Variants in GRXCR1 observed in about 807,000 individuals in gnomAD.
GRXCR1 encodes the protein glutaredoxin and cysteine rich domain containing 1, also known as glutaredoxin domain-containing cysteine-rich protein 1.
Under a neutral mutation model 27.3 loss-of-function variants are expected in GRXCR1, and 27 were observed. The observed-to-expected ratio is 0.99, with a 90% CI of 0.73 to 1.37. The LOEUF is 1.37. Ranked by LOEUF, GRXCR1 falls within the 40% of genes most tolerant of loss-of-function variation. The probability of loss-of-function intolerance (pLI) is 0.00; values close to 1 mark genes in which losing one functional copy is unlikely to be tolerated. For synonymous variants in GRXCR1, 122 were observed against 131.1 expected, an observed-to-expected ratio of 0.93 and a Z score of 0.47; for missense variants, 379 against 354.4, an observed-to-expected ratio of 1.07 and a Z score of -0.56.
At chr4:43,010,247 CA>C (rs1712703440) in intron 2 of GRXCR1, among the ~76,000 whole-genome samples, 1 of 151,914 alleles carries the variant, frequency 6.6e-6, no homozygotes, top group Non-Finnish European at 1.5e-5. Flanking sequence ...ACTAAAAATA[CA>C]AAAACTTAGC....
intron 2 of GRXCR1, among the ~76,000 whole-genome samples, chr4:42,975,299 C>G (rs766722748): frequency 1.4e-4 from 22 of 152,070 alleles, no homozygotes; most frequent in Admixed American, 5.9e-4. Flanking sequence ...CTCATGAAAG[C>G]AATTTATTGT....
Position 42,997,804 on chromosome 4 carries a change from C to T in GRXCR1, c.628-22550C>T, listed in dbSNP as rs868084434. ...TGGAAACCACAATAAAGGCCCCTGC[C>T]CTCATTTCTGCCTCTCTCCCTCTGC... On this transcript the variant is annotated intron_variant, in intron 2 of 3. Transcript: ENST00000399770. 3.9e-5 allele frequency among the ~76,000 whole-genome samples: 6 copies of T among 152,262 alleles called. No homozygotes were observed. The South Asian group carries it at 1.2e-3, about 32-fold the overall frequency.
chr4:42,990,332 C>G (rs1480662478), intron 2 of GRXCR1, among the ~76,000 whole-genome samples: 2 of 149,478 alleles, frequency 1.3e-5, no homozygotes, highest in Non-Finnish European at 3.0e-5. Context: ...GCTGGGACTA[C>G]AGGCGCCCGC....
Position 43,018,133 on chromosome 4 carries a change from G to T in GRXCR1, c.628-2221G>T, listed in dbSNP as rs116719695. On this transcript the variant is annotated intron_variant, in intron 2 of 3. Coordinates refer to ENST00000399770, the MANE Select transcript of GRXCR1 (RefSeq NM_001080476.3). ...TTAGGCTTGGTAATGACAGGGTCAA[G>T]TGGAGGGCAGAGACATGGGACCCAG... 5.1e-3 allele frequency among the ~76,000 whole-genome samples: 776 copies of T among 152,298 alleles called. 13 individuals are homozygous for T. Among genetic ancestry groups the T allele is most frequent in the African/African-American group, 0.015 (638 of 41,566 alleles).
In GRXCR1 at chr4:42,995,573, A is replaced by G. The variant is rs117530540; in HGVS notation, c.628-24781A>G. Among the ~76,000 whole-genome samples, 90 of 152,310 alleles carry G rather than the reference A, an allele frequency of 5.9e-4. 2 individuals are homozygous for G. In the East Asian group the frequency reaches 0.014, roughly 24 times the overall value. Reference sequence around the variant, plus strand: ...ATCCTCACTGCAGGAGATTATACCTACAGTCCTATGCACAAAGCTAATTGA... The same window carrying G: ...ATCCTCACTGCAGGAGATTATACCTGCAGTCCTATGCACAAAGCTAATTGA... On this transcript the variant is annotated intron_variant, in intron 2 of 3. Coordinates refer to ENST00000399770, the MANE Select transcript of GRXCR1 (RefSeq NM_001080476.3).
At chr4:42,987,236 TATATA>T (rs1342517272) in intron 2 of GRXCR1, among the ~76,000 whole-genome samples, 2 of 70,804 alleles carry the variant, frequency 2.8e-5, no homozygotes, top group South Asian at 4.5e-4. Context: ...ATATTATATA[TATATA>T]ATATATAATA....
intron 2 of GRXCR1, among the ~76,000 whole-genome samples, chr4:42,998,040 T>C (rs748366052): frequency 6.6e-6 from 1 of 152,210 alleles, no homozygotes; most frequent in Non-Finnish European, 1.5e-5. Context: ...TTACTTTATG[T>C]CAGGCACAAT....
intron 1 of GRXCR1, among the ~76,000 whole-genome samples, chr4:42,962,022 T>C (rs1475678341): frequency 6.6e-6 from 1 of 152,012 alleles, no homozygotes; most frequent in Non-Finnish European, 1.5e-5. Context: ...AAGACTGTGA[T>C]AAGGAAGAAG....
rs542077017 is a variant in GRXCR1 at position 42,931,096 on chromosome 4, G to A, written c.385-31796G>A. Among the ~76,000 whole-genome samples the A allele has an allele frequency of 4.6e-5, 7 of 151,858 alleles. No homozygotes were observed. In the East Asian group the frequency reaches 1.2e-3, roughly 25 times the overall value. ...CCTTTTTACAAATGGCACTGGAAAA[G>A]GGTATAAATACTCCTTCTCTCTTCT... On this transcript the variant is annotated intron_variant, in intron 1 of 3. Coordinates refer to ENST00000399770, the MANE Select transcript of GRXCR1 (RefSeq NM_001080476.3).
At chr4:42,935,780 T>A (rs1197083704) in intron 1 of GRXCR1, among the ~76,000 whole-genome samples, 1 of 151,898 alleles carries the variant, frequency 6.6e-6, no homozygotes, top group Non-Finnish European at 1.5e-5. Context: ...TTTTGAATAA[T>A]CTTAATGCGT....
rs561127972 is a variant in GRXCR1, at chr4:42,984,056, G to A, written c.627+20922G>A. ...TTGCCATGTTGGCCAGGCTGGTCTCGAACTCCTGACCTCAGGTGATCCTCC... is the reference window on the plus strand; with the variant it reads ...TTGCCATGTTGGCCAGGCTGGTCTCAAACTCCTGACCTCAGGTGATCCTCC... On this transcript the variant is annotated intron_variant, in intron 2 of 3. Transcript: ENST00000399770. 1.1e-4 allele frequency among the ~76,000 whole-genome samples: 17 copies of A among 152,026 alleles called. No homozygotes were observed. In the East Asian group the frequency reaches 2.1e-3, roughly 19 times the overall value.
At position 42,976,733 on chromosome 4, in the gene GRXCR1, T is replaced by A. The variant is rs538276218; in HGVS notation, c.627+13599T>A. Among the ~76,000 whole-genome samples the A allele has an allele frequency of 1.1e-4, 17 of 152,150 alleles. No individual in the cohort carries two copies. The South Asian group carries it at 3.5e-3, about 32-fold the overall frequency. On this transcript the variant is annotated intron_variant, in intron 2 of 3. Coordinates refer to ENST00000399770, the MANE Select transcript of GRXCR1 (RefSeq NM_001080476.3). ...TATGTGTTTATCATGTACAACATGA[T>A]GTTTTGAAGTATATATACACCGTGG...
At chr4:42,922,645 T>C (rs1459480491) in intron 1 of GRXCR1, among the ~76,000 whole-genome samples, 4 of 152,098 alleles carry the variant, frequency 2.6e-5, no homozygotes, top group African/African-American at 7.2e-5. Context: ...TATTGGCCCC[T>C]GTTACCCAGT....
At position 42,986,834 on chromosome 4, in the gene GRXCR1, C is replaced by G. The variant is rs537475431; in HGVS notation, c.627+23700C>G. Among the ~76,000 whole-genome samples, 6 of 152,132 alleles carry G rather than the reference C, an allele frequency of 3.9e-5. No individual in the cohort carries two copies. In the South Asian group the frequency reaches 1.2e-3, roughly 32 times the overall value. ...TGTGGGACAAGTCTAGATATGTCTC[C>G]TTGTAGAGCCTCCAGGCTATCTTAA... On this transcript the variant is annotated intron_variant, in intron 2 of 3. Transcript: ENST00000399770.
chr4:42,894,872 T>G (rs184516367), intron 1 of GRXCR1, among the ~76,000 whole-genome samples: 2 of 152,240 alleles, frequency 1.3e-5, no homozygotes, highest in Non-Finnish European at 2.9e-5. Context: ...TTTCACCAAA[T>G]GCAGAAATTA....
chr4:42,992,928 T>C lies in GRXCR1; in HGVS notation c.628-27426T>C, dbSNP rs183700105. Among the ~76,000 whole-genome samples, 7 of 152,258 alleles carry C rather than the reference T, an allele frequency of 4.6e-5. No individual in the cohort carries two copies. In the East Asian group the frequency reaches 1.3e-3, roughly 29 times the overall value. On this transcript the variant is annotated intron_variant, in intron 2 of 3. Coordinates refer to ENST00000399770, the MANE Select transcript of GRXCR1 (RefSeq NM_001080476.3). ...ACTTCTTACATTTCATTGTTTACAT[T>C]AACCAATTTGGGGAGAAAAAAATAA...
At chr4:42,979,801 CT>C (rs1748607074) in intron 2 of GRXCR1, among the ~76,000 whole-genome samples, 1 of 151,778 alleles carries the variant, frequency 6.6e-6, no homozygotes, top group African/African-American at 2.4e-5. Flanking sequence ...AGGTCTTGGG[CT>C]TTTGTATGAT....
chr4:43,007,198 A>T (rs1313124716), intron 2 of GRXCR1, among the ~76,000 whole-genome samples: 2 of 152,226 alleles, frequency 1.3e-5, no homozygotes. Flanking sequence ...CAATGAGGCC[A>T]CCAATGGCAG....
At position 43,014,054 on chromosome 4, in the gene GRXCR1, C is replaced by CAAA. The variant is rs3047831; in HGVS notation, c.628-6285_628-6283dup. Among the ~76,000 whole-genome samples the CAAA allele has an allele frequency of 2.2e-4, 27 of 123,738 alleles. No individual in the cohort carries two copies. The South Asian group carries it at 3.4e-3, about 15-fold the overall frequency. The allele number at this position is 123,738 out of a possible 152,430, so 81.2% of individuals were successfully genotyped here. Reference sequence around the variant, plus strand: ...CCCAAAGGTCTGTATTACATAATTGCAAAAAAAAAAAAAAAAAGTCAACTA... The same window carrying CAAA: ...CCCAAAGGTCTGTATTACATAATTGCAAAAAAAAAAAAAAAAAAAAGTCAACTA... On this transcript the variant is annotated intron_variant, in intron 2 of 3. Coordinates refer to ENST00000399770, the MANE Select transcript of GRXCR1 (RefSeq NM_001080476.3).
Sources: allele counts gnomAD v4.1 joint callset (sites outside exome capture counted in the v4.1 genomes callset), GRCh38; gene constraint gnomAD v4.1.1; transcripts MANE v1.5; gene names NCBI Gene and HGNC (gene_info 2026-07-23, HGNC 2026-07-21).